The following CEP164 variants were observed in gnomAD, a reference collection of about 807,000 sequenced individuals.
CEP164 encodes the protein centrosomal protein 164, also known as centrosomal protein of 164 kDa.
CEP164 carries 162 observed loss-of-function variants against 182.7 expected under a neutral mutation model. The ratio of observed to expected loss-of-function variants is 0.89; its 90% CI spans 0.78 to 1.01. The LOEUF is 1.01. Ranked by LOEUF, CEP164 falls within the 50% of genes least tolerant of loss-of-function variation. The pLI, the probability that CEP164 is intolerant of heterozygous loss-of-function variation, is 0.00. For missense variants in CEP164, 1,735 were observed against 1,790.4 expected (o/e 0.97, Z 0.56); for synonymous variants, 661 against 690.0 (o/e 0.96, Z 0.66).
chr11:117,323,167 C>T (rs1416001514), upstream of CEP164, among the ~76,000 whole-genome samples: 1 of 152,128 alleles, frequency 6.6e-6, no homozygotes, highest in South Asian at 2.1e-4. Context: ...TCCCAAAGTG[C>T]TGGGATTACA....
chr11:117,385,713 T>G (rs2043870801), intron 14 of CEP164: 1 of 152,242 alleles, frequency 6.6e-6, no homozygotes, highest in South Asian at 2.1e-4. Context: ...CAGCCACATG[T>G]CTTATATATG....
At chr11:117,410,099 C>A in intron 30 of CEP164, 134 bp downstream of exon 30, 1 of 846,938 alleles carries the variant, frequency 1.2e-6, no homozygotes. Flanking sequence ...CTCTCCTCCC[C>A]CAACGTTACC....
At chr11:117,338,500 C>T in intron 2 of CEP164, 66 bp from the exon 3 acceptor site, 1 of 1,214,290 alleles carries the variant, frequency 8.2e-7, no homozygotes, top group South Asian at 1.2e-5. Context: ...TGACCCAGTG[C>T]CAACTTTTCC....
intron 11 of CEP164, among the ~76,000 whole-genome samples, chr11:117,378,420 T>C (rs1282394927): frequency 1.3e-5 from 2 of 152,242 alleles, no homozygotes; most frequent in African/African-American, 2.4e-5. Flanking sequence ...ATGTGCTCTT[T>C]AAATTTGAGA....
chr11:117,391,330 GC>G, intron 17 of CEP164, 115 bp downstream of exon 17: 2 of 963,466 alleles, frequency 2.1e-6, no homozygotes, highest in Non-Finnish European at 3.1e-6. Context: ...AGGCTGGGGA[GC>G]CAGGTGGAGA....
rs977536274 is a variant in CEP164, at chr11:117,362,051, A to G, written c.552+58A>G. ...GTTCCTGTGGGGCCTCCCGTGTGCC[A>G]TACCAGGAACTATGGCCTAGGGGTG... On this transcript the variant is annotated intron_variant, in intron 6 of 32. Transcript: ENST00000278935. 6 of 1,465,232 alleles carry G rather than the reference A, an allele frequency of 4.1e-6. No individual in the cohort carries two copies. In the African/African-American group the frequency reaches 4.3e-5, roughly 10 times the overall value. The allele number at this position is 1,465,232 out of a possible 1,614,324, so 90.8% of individuals were successfully genotyped here.
chr11:117,402,996 C>T (rs981798670), intron 27 of CEP164, among the ~76,000 whole-genome samples: 1 of 152,206 alleles, frequency 6.6e-6, no homozygotes, highest in African/African-American at 2.4e-5. Flanking sequence ...GCAACCCCTG[C>T]CTCTTTTTGC....
At position 117,409,039 on chromosome 11, in the gene CEP164, G is replaced by A. The variant is rs777585998; in HGVS notation, c.3748+11G>A. The stretch of plus-strand genomic sequence containing the variant: ...GGCGGCAGCAGAGGAGTGAGTGGGG[G>A]AGATGCGGGGTGAGGACCATGGTAT... On this transcript the variant is annotated intron_variant, in intron 29 of 32. Coordinates refer to ENST00000278935, the MANE Select transcript of CEP164 (RefSeq NM_014956.5). The surrounding 1 kb of genome is among the most constrained non-coding windows in gnomAD (Gnocchi z 4.4). 6.2e-6 allele frequency: 10 copies of A among 1,613,818 alleles called. No homozygotes were observed. In the African/African-American group the frequency reaches 1.2e-4, roughly 19 times the overall value.
At chr11:117,340,411 T>C (rs1199765347) in intron 3 of CEP164, among the ~76,000 whole-genome samples, 1 of 152,360 alleles carries the variant, frequency 6.6e-6, no homozygotes, top group East Asian at 1.9e-4. Flanking sequence ...GCATACAAAG[T>C]TTGCTTATAA....
At position 117,409,392 on chromosome 11, in the gene CEP164, A is replaced by C; in HGVS notation, c.3749-226A>C. ...TTCTCTCTGGGGTCCTGGGCCCTTC[A>C]CCCAGCACCTTGCCCTGGAAACCTG... On this transcript the variant is annotated intron_variant, in intron 29 of 32. Coordinates refer to ENST00000278935, the MANE Select transcript of CEP164 (RefSeq NM_014956.5). This position sits in a 1 kb window ranked among gnomAD's most constrained non-coding sequence, Gnocchi z 4.4. 1.7e-6 allele frequency: 1 copy of C among 585,540 alleles called. No homozygotes were observed. The highest frequency in any genetic ancestry group is 3.0e-6 in the Non-Finnish European group (1 of 331,906). 36.3% of individuals were successfully genotyped at this position (585,540 alleles called of 1,614,324 possible). A position where few individuals can be genotyped will look rare whatever the true frequency, so the allele number is the denominator to read the frequency against.
chr11:117,402,650 A>G (rs949096001), intron 27 of CEP164, among the ~76,000 whole-genome samples: 1 of 152,220 alleles, frequency 6.6e-6, no homozygotes, highest in Non-Finnish European at 1.5e-5. Context: ...GTTTTAGAAT[A>G]AGCACTATGT....
intron 2 of CEP164, chr11:117,336,716 T>C (rs2037190007): frequency 1.4e-6 from 1 of 715,026 alleles, no homozygotes; most frequent in Non-Finnish European, 2.5e-6. Flanking sequence ...GGCTGGGCCT[T>C]TCTGCTTGAA....
Position 117,397,004 on chromosome 11 carries a change from G to T in CEP164, c.3279-87G>T, listed in dbSNP as rs2045565058. On this transcript the variant is annotated intron_variant, in intron 26 of 32. Transcript: ENST00000278935. ...CCAGCAGCTCTGGTCTGTGCTCAGG[G>T]TTGGCATCTGCTGGGGAAGGGGCTG... 4 of 1,215,906 alleles carry T rather than the reference G, an allele frequency of 3.3e-6. No individual in the cohort carries two copies. The African/African-American group carries it at 4.5e-5, about 14-fold the overall frequency. The allele number at this position is 1,215,906 out of a possible 1,614,324, so 75.3% of individuals were successfully genotyped here. A position where few individuals can be genotyped will look rare whatever the true frequency, so the allele number is the denominator to read the frequency against.
At position 117,395,123 on chromosome 11, in the gene CEP164, G is replaced by A. The variant is rs762998861; in HGVS notation, c.2845G>A (p.Glu949Lys). 1.2e-6 allele frequency: 2 copies of A among 1,614,192 alleles called. No homozygotes were observed. The highest frequency in any genetic ancestry group is 1.3e-5 in the African/African-American group (1 of 75,050). ...GAAAATCCTGTCTCTTCCCTGCAAG[G>A]AGGAGACCGCCCGGAGGGAGAAGCA... Reference protein sequence around the residue: ...KARLALLEVQEETARREKQQL... With the variant: ...KARLALLEVQKETARREKQQL... The change falls in exon 23 of 33, where the codon GAG becomes AAG. Residue 949 changes from glutamate (E) to lysine (K), a missense_variant and splice_region_variant. By Grantham distance (56) the Glu-to-Lys change is moderately conservative (BLOSUM62 1). Transcript: ENST00000278935.
intron 27 of CEP164, among the ~76,000 whole-genome samples, chr11:117,400,707 T>A (rs1386430397): frequency 6.6e-6 from 1 of 152,212 alleles, no homozygotes; most frequent in African/African-American, 2.4e-5. Flanking sequence ...TTCACATCCC[T>A]TGTAAGTTGG....
chr11:117,395,714 A>G lies in CEP164; in HGVS notation c.3081A>G (p.Lys1027=). 1.2e-6 allele frequency: 2 copies of G among 1,610,566 alleles called. No homozygotes were observed. Among genetic ancestry groups the G allele is most frequent in the Non-Finnish European group, 8.5e-7 (1 of 1,178,862 alleles). Residue 1027 remains lysine, a synonymous_variant, in exon 24 of 33, where the codon AAA becomes AAG. Coordinates refer to ENST00000278935, the MANE Select transcript of CEP164 (RefSeq NM_014956.5). ...LLQAQSQQLQ[K]HFSSLEAEAQ... is the part of the protein sequence containing the mutation. ...AGGCTCAGAGCCAGCAACTGCAGAA[A>G]CACTTCAGGTGGCGTGGGCACCCTG... is the stretch of plus-strand genomic sequence containing the variant.
At chr11:117,382,963 T>G in intron 14 of CEP164, 21 bp downstream of exon 14, 1 of 1,608,604 alleles carries the variant, frequency 6.2e-7, no homozygotes, top group Admixed American at 1.7e-5. Context: ...GTTTTGTGTG[T>G]CTGTCCCTGA....
chr11:117,391,321 G>A, intron 17 of CEP164, 106 bp downstream of exon 17: 2 of 1,100,008 alleles, frequency 1.8e-6, no homozygotes, highest in Non-Finnish European at 2.6e-6. Flanking sequence ...TGGGCGTGCA[G>A]GCTGGGGAGC....
chr11:117,385,866 G>A (rs1160400582), intron 14 of CEP164: 7 of 152,186 alleles, frequency 4.6e-5, no homozygotes, highest in African/African-American at 1.2e-4. Flanking sequence ...AAGGGGAAAC[G>A]AAAGGTCTTT....
Sources: gnomAD v4.1 joint callset for allele counts (sites outside exome capture counted in the v4.1 genomes callset) on GRCh38, gnomAD v4.1.1 for gene constraint, Gnocchi (gnomAD v3.1) non-coding constraint, MANE v1.5 for transcripts, NCBI Gene and HGNC (gene_info 2026-07-23, HGNC 2026-07-21) for gene names.